The following XKR5 variants were observed in gnomAD, a reference collection of about 807,000 sequenced individuals.
XKR5 encodes the protein XK related 5, also known as XK-related protein 5.
Under a neutral mutation model 40.8 loss-of-function variants are expected in XKR5, and 46 were observed. The observed-to-expected ratio is 1.13, with a 90% confidence interval of 0.89 to 1.44. The LOEUF is 1.44. XKR5 is among the 40% of genes most tolerant of loss of function. XKR5 has a pLI of 0.00. For synonymous variants in XKR5, 466 were observed against 356.1 expected (o/e 1.31, Z -3.48); for missense variants, 1,169 against 844.7 (o/e 1.38, Z -4.76).
intron 4 of XKR5, among the ~76,000 whole-genome samples, chr8:6,822,500 T>A (rs1390672919): frequency 6.6e-6 from 1 of 152,124 alleles, no homozygotes; most frequent in Non-Finnish European, 1.5e-5. Flanking sequence ...TCAAGCTGAT[T>A]TTTTTTAAAA....
At position 6,808,535 on chromosome 8, in the gene XKR5, A is replaced by G. The variant is rs1803539437; in HGVS notation, c.*2663T>C. 2 of 152,180 alleles carry G rather than the reference A, an allele frequency of 1.3e-5. No individual in the cohort carries two copies. Among genetic ancestry groups the G allele is most frequent in the Admixed American group, 1.3e-4 (2 of 15,284 alleles). The allele number at this position is 152,180 out of a possible 1,614,324, so 9.4% of individuals were successfully genotyped here. On this transcript the variant is annotated 3_prime_UTR_variant, in exon 7 of 7. Transcript: ENST00000618742. ...GCAGGCATTTTTGAATTAAGTGTCCATTTATTAGTCTTCTCTAATAAATAT... is the reference window on the plus strand; with the variant it reads ...GCAGGCATTTTTGAATTAAGTGTCCGTTTATTAGTCTTCTCTAATAAATAT...
At chr8:6,825,393 C>T (rs778706973) in intron 2 of XKR5, 44 bp from the exon 3 acceptor site, 44 of 1,468,660 alleles carry the variant, frequency 3.0e-5, no homozygotes, top group Admixed American at 2.9e-5. Flanking sequence ...CAGGCTGTGG[C>T]GAGATTCAAT....
intron 5 of XKR5, among the ~76,000 whole-genome samples, chr8:6,817,144 G>A (rs1803996334): frequency 6.6e-6 from 1 of 152,028 alleles, no homozygotes; most frequent in South Asian, 2.1e-4. Flanking sequence ...CTCCTGTCTA[G>A]GCAACCCCTA....
intron 2 of XKR5, among the ~76,000 whole-genome samples, chr8:6,828,208 G>C (rs923862344): frequency 3.3e-5 from 5 of 152,222 alleles, no homozygotes; most frequent in Admixed American, 3.3e-4. Context: ...TTGGGTAGTG[G>C]TGGAATCAGA....
rs756802292 is a variant in XKR5, at chr8:6,815,822, A to T, written c.904T>A (p.Ser302Thr). 1 of 1,602,858 alleles carries T rather than the reference A, an allele frequency of 6.2e-7. No homozygotes were observed. The highest frequency in any genetic ancestry group is 1.3e-5 in the African/African-American group (1 of 74,654). ...TGGGACTTACCAATCAGAAATCCAG[A>T]CAGGACCCCAGCTATGGTCTGCAGG... Reference protein sequence around the residue: ...TSLQTIAGVLSGFLIGSVSLV... With the variant: ...TSLQTIAGVLTGFLIGSVSLV... The change falls in exon 6 of 7, where the codon TCT becomes ACT. Residue 302 changes from serine to threonine, a missense_variant. Coordinates refer to ENST00000618742, the MANE Select transcript of XKR5 (RefSeq NM_207411.5).
Position 6,832,941 on chromosome 8 carries a change from T to G in XKR5, c.59-41A>C, listed in dbSNP as rs773083068. The G allele has an allele frequency of 4.0e-6, 6 of 1,495,652 alleles. No individual in the cohort carries two copies. The African/African-American group carries it at 8.5e-5, about 21-fold the overall frequency. The allele number at this position is 1,495,652 out of a possible 1,614,324, so 92.6% of individuals were successfully genotyped here. On this transcript the variant is annotated intron_variant, in intron 1 of 6. Transcript: ENST00000618742. ...AAAGGCAAGCAGGTTGTTGGAAGGC[T>G]GGAGTGAGACTGGGTACCTGCATTT...
intron 5 of XKR5, among the ~76,000 whole-genome samples, chr8:6,816,208 T>A (rs1475339898): frequency 6.6e-6 from 1 of 151,860 alleles, no homozygotes; most frequent in African/African-American, 2.4e-5. Context: ...CTTTAGAGAG[T>A]CATTATGGGC....
At chr8:6,833,515 G>C (rs889475889) in intron 1 of XKR5, among the ~76,000 whole-genome samples, 1 of 152,184 alleles carries the variant, frequency 6.6e-6, no homozygotes, top group Non-Finnish European at 1.5e-5. Context: ...CAGATTGCTC[G>C]ACGTCAGGAG....
At position 6,810,843 on chromosome 8, in the gene XKR5, A is replaced by G. The variant is rs1370106577; in HGVS notation, c.*355T>C. On this transcript the variant is annotated 3_prime_UTR_variant, in exon 7 of 7. Transcript: ENST00000618742. ...AAGCTAATTGTAACAAGAACCTCAA[A>G]TAAAATAGGAATCTGGGTTTTACCT... is the stretch of plus-strand genomic sequence containing the variant. 1 of 181,202 alleles carries G rather than the reference A, an allele frequency of 5.5e-6. No individual in the cohort carries two copies. Among genetic ancestry groups the G allele is most frequent in the Non-Finnish European group, 1.1e-5 (1 of 86,984 alleles). The allele number at this position is 181,202 out of a possible 1,614,324, so 11.2% of individuals were successfully genotyped here. A position where few individuals can be genotyped will look rare whatever the true frequency, so the allele number is the denominator to read the frequency against.
chr8:6,818,174 A>G (rs73511997), intron 5 of XKR5, among the ~76,000 whole-genome samples: 4,487 of 152,134 alleles, frequency 0.029, 239 homozygotes, highest in African/African-American at 0.1. Context: ...CGCTGTGCGC[A>G]CTCACTTTCC....
rs777753228 is a variant in XKR5 at position 6,811,624 on chromosome 8, G to A, written c.1635C>T (p.Ser545=). ...AGGATGTGGCCACTTCTGCAGTGGCGCTGAAGTACAACGTGGAACTCTGCT... is the reference window on the plus strand; with the variant it reads ...AGGATGTGGCCACTTCTGCAGTGGCACTGAAGTACAACGTGGAACTCTGCT... The part of the protein sequence containing the change: ...EGQQSSTLYF[S]ATAEVATSSQ... Residue 545 remains serine (S), a synonymous_variant, in exon 7 of 7, where the codon AGC becomes AGT. Coordinates refer to ENST00000618742, the MANE Select transcript of XKR5 (RefSeq NM_207411.5). The A allele has an allele frequency of 2.7e-5, 41 of 1,537,280 alleles. No individual in the cohort carries two copies. Among genetic ancestry groups the A allele is most frequent in the South Asian group, 1.3e-4 (11 of 84,054 alleles).
chr8:6,830,604 C>T (rs747388146), intron 2 of XKR5, among the ~76,000 whole-genome samples: 2 of 152,154 alleles, frequency 1.3e-5, no homozygotes, highest in Non-Finnish European at 2.9e-5. Context: ...CATCTCGATA[C>T]CTGGCCTTTC....
At chr8:6,834,233 A>G (rs888051473) in intron 1 of XKR5, among the ~76,000 whole-genome samples, 2 of 152,250 alleles carry the variant, frequency 1.3e-5, no homozygotes, top group African/African-American at 4.8e-5. Flanking sequence ...TTCCAATAGT[A>G]AAGTTCTAAG....
chr8:6,815,062 A>T (rs1422516495), intron 6 of XKR5, among the ~76,000 whole-genome samples: 2 of 152,238 alleles, frequency 1.3e-5, no homozygotes, highest in Non-Finnish European at 2.9e-5. Flanking sequence ...ATGTTGCAGA[A>T]GCACGAGGCC....
At chr8:6,817,943 G>T (rs1274765071) in intron 5 of XKR5, among the ~76,000 whole-genome samples, 1 of 152,126 alleles carries the variant, frequency 6.6e-6, no homozygotes, top group African/African-American at 2.4e-5. Context: ...TCACATTTAC[G>T]ATCCCACTTT....
At chr8:6,829,557 C>G (rs893630643) in intron 2 of XKR5, among the ~76,000 whole-genome samples, 32 of 152,122 alleles carry the variant, frequency 2.1e-4, no homozygotes, top group African/African-American at 7.5e-4. Context: ...ATTCTGTTGC[C>G]TAGGTTGGAG....
chr8:6,812,015 C>T lies in XKR5; in HGVS notation c.1244G>A (p.Gly415Glu), dbSNP rs1053713843. ...WLWVKLALKT[G>E]NVSKINAAFG... Reference sequence around the variant, plus strand: ...GGCGGCATTGATCTTAGACACATTTCCTGTTTTTAGGGCAAGTTTCACCCA... The same window carrying T: ...GGCGGCATTGATCTTAGACACATTTTCTGTTTTTAGGGCAAGTTTCACCCA... Residue 415 changes from glycine to glutamate, a missense_variant, in exon 7 of 7, where the codon GGA becomes GAA. By Grantham distance (98) the Gly-to-Glu change is moderately conservative. Transcript: ENST00000618742. 76 of 1,537,462 alleles carry T rather than the reference C, an allele frequency of 4.9e-5. 1 individual carries two copies. The East Asian group carries it at 1.7e-3, about 35-fold the overall frequency.
At chr8:6,817,259 C>T (rs1302662116) in intron 5 of XKR5, among the ~76,000 whole-genome samples, 1 of 152,166 alleles carries the variant, frequency 6.6e-6, no homozygotes, top group African/African-American at 2.4e-5. Context: ...CTTGAAACAG[C>T]CCCACCTTAA....
rs755195332 is a variant in XKR5 at position 6,835,455 on chromosome 8, C to T, written c.39G>A (p.Gln13=). ...ARLLGLSALL[Q]AAEQSARLYT... is the part of the protein sequence containing the mutation. ...ACTCACGCGCGCTCTGCTCGGCCGCCTGCAGCAGGGCCGAGAGCCCCAGGA... is the reference window on the plus strand; with the variant it reads ...ACTCACGCGCGCTCTGCTCGGCCGCTTGCAGCAGGGCCGAGAGCCCCAGGA... Residue 13 remains glutamine, a synonymous_variant, in exon 1 of 7, where the codon CAG becomes CAA. Transcript: ENST00000618742. 10 of 1,498,954 alleles carry T rather than the reference C, an allele frequency of 6.7e-6. No individual in the cohort carries two copies. In the South Asian group the frequency reaches 1.2e-4, roughly 19 times the overall value. The allele number at this position is 1,498,954 out of a possible 1,614,324, so 92.9% of individuals were successfully genotyped here.
Sources: allele counts gnomAD v4.1 joint callset (sites outside exome capture counted in the v4.1 genomes callset), GRCh38; gene constraint gnomAD v4.1.1; transcripts MANE v1.5; gene names NCBI Gene and HGNC (gene_info 2026-07-23, HGNC 2026-07-21).